ATG2B: variants seen among roughly 807,000 people sequenced by gnomAD.
ATG2B encodes the protein autophagy related 2B.
In ATG2B, 121 loss-of-function variants were observed where a neutral mutation model predicts 241.3. That is an observed-to-expected ratio of 0.50 (90% CI 0.43 to 0.58). ATG2B has a LOEUF of 0.58. ATG2B is among the 20% of genes least tolerant of loss of function. The pLI is 0.00. For missense variants in ATG2B, 2,306 were observed against 2,491.6 expected (o/e 0.93, Z 1.59); for synonymous variants, 858 against 876.6 (o/e 0.98, Z 0.37).
rs2139850957 is a variant in ATG2B, at chr14:96,306,044, T to A, written c.4507-229A>T. Among the ~76,000 whole-genome samples the A allele has an allele frequency of 1.3e-5, 2 of 152,332 alleles. 1 individual carries two copies. Among genetic ancestry groups the A allele is most frequent in the African/African-American group, 4.8e-5 (2 of 41,572 alleles). ...ACCACTCCATAAGGATTTTTTATGG[T>A]TTACAATTCGGCTTTCACTACTTGT... On this transcript the variant is annotated intron_variant, in intron 30 of 41. Transcript: ENST00000359933.
In ATG2B at chr14:96,290,199, A is replaced by G. The variant is rs1314885692; in HGVS notation, c.5856+237T>C. Reference sequence around the variant, plus strand: ...GTGAAATCAATCCTCTGCTAACTTAATGTTTACAATTTACCTGAAATAGGC... The same window carrying G: ...GTGAAATCAATCCTCTGCTAACTTAGTGTTTACAATTTACCTGAAATAGGC... On this transcript the variant is annotated intron_variant, in intron 40 of 41. Transcript: ENST00000359933. The surrounding 1 kb of genome is among the most constrained non-coding windows in gnomAD (Gnocchi z 4.4). The G allele has an allele frequency of 1.5e-6, 2 of 1,307,282 alleles. No homozygotes were observed. Among genetic ancestry groups the G allele is most frequent in the Non-Finnish European group, 1.9e-6 (2 of 1,025,664 alleles). 81.0% of individuals were successfully genotyped at this position (1,307,282 alleles called of 1,614,324 possible).
chr14:96,347,128 C>T (rs1888189559), intron 2 of ATG2B, 51 bp downstream of exon 2: 1 of 1,425,292 alleles, frequency 7.0e-7, no homozygotes, highest in Non-Finnish European at 9.4e-7. Context: ...GTTACTTTCC[C>T]AGTCTCTGAA....
Position 96,338,063 on chromosome 14 carries a change from G to C in ATG2B, c.924+3459C>G, listed in dbSNP as rs148966568. On this transcript the variant is annotated intron_variant, in intron 6 of 41. Transcript: ENST00000359933. Reference sequence around the variant, plus strand: ...ATTTGCAGCTATTGTAAAAGGGATTGAGCTCTTGATTTGATTCTTAGCTTG... The same window carrying C: ...ATTTGCAGCTATTGTAAAAGGGATTCAGCTCTTGATTTGATTCTTAGCTTG... 2.1e-4 allele frequency among the ~76,000 whole-genome samples: 32 copies of C among 152,148 alleles called. No individual in the cohort carries two copies. In the East Asian group the frequency reaches 5.8e-3, roughly 28 times the overall value.
chr14:96,316,586 T>C lies in ATG2B; in HGVS notation c.3308A>G (p.Asp1103Gly). Residue 1103 changes from aspartate (D) to glycine (G), a missense_variant, in exon 21 of 42, where the codon GAT (aspartate) becomes GGT (glycine). This residue lies in a region of ATG2B where 1,927 missense variants were observed against 2,011.2 expected (regional missense o/e 0.96). Transcript: ENST00000359933. ...ATGAAGGCAAATGTAGTGCTTGTCA[T>C]CAAAACCTTCATATTTTGTCACACA... ...LFCVTKYEGF[D>G]DKHYICLHSS... The C allele has an allele frequency of 6.2e-7, 1 of 1,613,722 alleles. No individual in the cohort carries two copies. The highest frequency in any genetic ancestry group is 8.5e-7 in the Non-Finnish European group (1 of 1,179,822).
chr14:96,288,657 G>A (rs1003558831), intron 41 of ATG2B, among the ~76,000 whole-genome samples: 7 of 152,030 alleles, frequency 4.6e-5, no homozygotes, highest in Non-Finnish European at 1.0e-4. Flanking sequence ...TCCTAGGCAC[G>A]TCTGACTGTT....
intron 33 of ATG2B, 75 bp downstream of exon 33, chr14:96,302,986 A>T: frequency 8.8e-7 from 1 of 1,137,014 alleles, no homozygotes; most frequent in Non-Finnish European, 1.2e-6. Flanking sequence ...TCCCTACTTT[A>T]ACTCTCCTGA....
At chr14:96,360,756 T>A (rs1484369850) in intron 1 of ATG2B, among the ~76,000 whole-genome samples, 1 of 152,032 alleles carries the variant, frequency 6.6e-6, no homozygotes, top group African/African-American at 2.4e-5. Context: ...TTAGGATCTG[T>A]GAATCTCCGA....
intron 28 of ATG2B, 133 bp from the exon 29 acceptor site, chr14:96,309,727 G>T: frequency 1.2e-6 from 1 of 823,258 alleles, no homozygotes; most frequent in Non-Finnish European, 1.8e-6. Flanking sequence ...ATTTTTCTAT[G>T]CCCAGCAGCT....
chr14:96,312,718 C>A (rs1319409583), intron 25 of ATG2B, among the ~76,000 whole-genome samples: 1 of 152,052 alleles, frequency 6.6e-6, no homozygotes. Flanking sequence ...CCACTGCATT[C>A]CAGCCTGGGC....
intron 28 of ATG2B, among the ~76,000 whole-genome samples, chr14:96,310,665 G>A (rs1481390991): frequency 1.3e-5 from 2 of 152,040 alleles, no homozygotes; most frequent in South Asian, 2.1e-4. Context: ...GGAAAAGGAA[G>A]TCATATATGA....
In ATG2B at chr14:96,340,237, T is replaced by TTA. The variant is rs562319119; in HGVS notation, c.924+1283_924+1284dup. Among the ~76,000 whole-genome samples the TTA allele has an allele frequency of 1.8e-3, 241 of 131,808 alleles. 4 individuals are homozygous for TTA. In the South Asian group the frequency reaches 0.055, roughly 30 times the overall value. The allele number at this position is 131,808 out of a possible 152,430, so 86.5% of individuals were successfully genotyped here. A position where few individuals can be genotyped will look rare whatever the true frequency, so the allele number is the denominator to read the frequency against. On this transcript the variant is annotated intron_variant, in intron 6 of 41. Transcript: ENST00000359933. ...TGTGTGTGTGTGTGTGTGTGTGTAT[T>TTA]TATATATATGGACTCATCCTATATA...
At position 96,289,719 on chromosome 14, in the gene ATG2B, C is replaced by T; in HGVS notation, c.5943G>A (p.Arg1981=). 6.2e-7 allele frequency: 1 copy of T among 1,614,202 alleles called. No homozygotes were observed. Among genetic ancestry groups the T allele is most frequent in the South Asian group, 1.1e-5 (1 of 91,086 alleles). The change falls in exon 41 of 42, where the codon CGG becomes CGA. Residue 1981 remains arginine (R), a synonymous_variant. Coordinates refer to ENST00000359933, the MANE Select transcript of ATG2B (RefSeq NM_018036.7). This position sits in a 1 kb window ranked among gnomAD's most constrained non-coding sequence, Gnocchi z 4.3. Reference sequence around the variant, plus strand: ...TCAGGTCTACTGGCTGGTGGGCTAACCGGTGATGAGGAAACCTTTTGGTCT... The same window carrying T: ...TCAGGTCTACTGGCTGGTGGGCTAATCGGTGATGAGGAAACCTTTTGGTCT... ...PKKTKRFPHH[R]LAHQPVDLRE...
chr14:96,321,825 G>GA (rs1168070857), intron 18 of ATG2B, among the ~76,000 whole-genome samples: 3 of 152,034 alleles, frequency 2.0e-5, no homozygotes, highest in Admixed American at 6.6e-5. Flanking sequence ...TGCACATAAA[G>GA]AAAAAAATTG....
intron 29 of ATG2B, among the ~76,000 whole-genome samples, chr14:96,308,264 A>ATATATATATACG (rs1887040063): frequency 7.9e-5 from 1 of 12,618 alleles, no homozygotes; most frequent in Non-Finnish European, 1.6e-4. Flanking sequence ...ACACATATAT[A>ATATATATATACG]TATATATATA....
Position 96,303,074 on chromosome 14 carries a change from G to A in ATG2B, c.5024C>T (p.Ala1675Val). 2 of 1,591,938 alleles carry A rather than the reference G, an allele frequency of 1.3e-6. No individual in the cohort carries two copies. Among genetic ancestry groups the A allele is most frequent in the African/African-American group, 1.4e-5 (1 of 74,070 alleles). ...LYCSKEMPRK[A>V]HSNMLTVKAL... ...GTTAACTCTTACCATGTTGGAGTGA[G>A]CTTTTCGAGGCATTTCTTTACTGCA... The change falls in exon 33 of 42, where the codon GCT becomes GTT. Residue 1675 changes from alanine to valine, a missense_variant. Ala to Val is a moderately conservative substitution (Grantham distance 64, BLOSUM62 0). Coordinates refer to ENST00000359933, the MANE Select transcript of ATG2B (RefSeq NM_018036.7).
chr14:96,305,147 G>A (rs915536676), intron 31 of ATG2B, among the ~76,000 whole-genome samples: 2 of 152,052 alleles, frequency 1.3e-5, no homozygotes, highest in Non-Finnish European at 1.5e-5. Context: ...CCCAGCGACC[G>A]GCACACTGCA....
chr14:96,287,250 T>G (rs1886360112), intron 41 of ATG2B, among the ~76,000 whole-genome samples: 1 of 25,578 alleles, frequency 3.9e-5, no homozygotes, highest in Non-Finnish European at 6.9e-5. Context: ...CGAGACTCCG[T>G]CTCAAAAAAA....
chr14:96,333,822 A>G lies in ATG2B; in HGVS notation c.1073T>C (p.Met358Thr). 2 of 1,613,910 alleles carry G rather than the reference A, an allele frequency of 1.2e-6. No homozygotes were observed. Among genetic ancestry groups the G allele is most frequent in the Non-Finnish European group, 1.7e-6 (2 of 1,179,894 alleles). Residue 358 changes from methionine (M) to threonine (T), a missense_variant, in exon 8 of 42, where the codon ATG (methionine) becomes ACG (threonine). Physicochemically the swap from Met to Thr is moderately conservative, Grantham distance 81. Coordinates refer to ENST00000359933, the MANE Select transcript of ATG2B (RefSeq NM_018036.7). ...AATTCGATACTCGTCTTCCTGCTGCATGGGTCGATTTTTCCTATCTTTATT... is the reference window on the plus strand; with the variant it reads ...AATTCGATACTCGTCTTCCTGCTGCGTGGGTCGATTTTTCCTATCTTTATT... The part of the protein sequence containing the change: ...LANKDRKNRP[M>T]QQEDEYRIQM...
chr14:96,356,515 TAGA>T (rs1407742633), intron 1 of ATG2B, among the ~76,000 whole-genome samples: 2 of 152,172 alleles, frequency 1.3e-5, no homozygotes, highest in African/African-American at 4.8e-5. Flanking sequence ...GGCTGGCTCA[TAGA>T]ACAAGCTTTT....
Sources: allele counts gnomAD v4.1 joint callset (sites outside exome capture counted in the v4.1 genomes callset), GRCh38; gene constraint gnomAD v4.1.1; regional missense constraint gnomAD v4.1.1; non-coding constraint Gnocchi (gnomAD v3.1); transcripts MANE v1.5; gene names NCBI Gene and HGNC (gene_info 2026-07-23, HGNC 2026-07-21).